RGS7: variants seen among roughly 807,000 people sequenced by gnomAD.
RGS7 encodes the protein regulator of G-protein signaling 7.
Under a neutral mutation model 81.1 loss-of-function variants are expected in RGS7, and 27 were observed. That is an observed-to-expected ratio of 0.33 (90% confidence interval 0.25 to 0.46). RGS7 has a LOEUF of 0.46. Among genes scored for constraint, RGS7 ranks in the 20% least tolerant of loss-of-function variants. RGS7 has a pLI of 1.00. For missense variants in RGS7, 396 were observed against 607.4 expected (o/e 0.65, Z 3.66); for synonymous variants, 208 against 207.7 (o/e 1.00, Z -0.01).
At chr1:240,914,958 C>A (rs376036694) in intron 6 of RGS7, among the ~76,000 whole-genome samples, 2 of 152,258 alleles carry the variant, frequency 1.3e-5, no homozygotes, top group African/African-American at 4.8e-5. Flanking sequence ...TTGTTCGAGG[C>A]TCAATGTGGA....
chr1:240,781,674 T>C (rs1684120927), intron 18 of RGS7, among the ~76,000 whole-genome samples: 1 of 152,194 alleles, frequency 6.6e-6, no homozygotes, highest in South Asian at 2.1e-4. Context: ...GATATTTGTT[T>C]TGTATATTGA....
rs548416224 is a variant in RGS7 at position 240,790,067 on chromosome 1, T to C, written c.*6+10574A>G. On this transcript the variant is annotated intron_variant, in intron 18 of 18. Coordinates refer to ENST00000440928, the MANE Select transcript of RGS7 (RefSeq NM_001364886.1). Reference sequence around the variant, plus strand: ...CTTAGGGAAAATAGAAAAGAACCTATGTGAAATATCGGGGGTGAATTTCGC... The same window carrying C: ...CTTAGGGAAAATAGAAAAGAACCTACGTGAAATATCGGGGGTGAATTTCGC... Among the ~76,000 whole-genome samples the C allele has an allele frequency of 3.0e-3, 460 of 152,228 alleles. 2 individuals are homozygous for C. The highest frequency in any genetic ancestry group is 0.011 in the African/African-American group (442 of 41,554).
At chr1:241,256,926 TACACACACACACAC>T (rs10552436) in intron 2 of RGS7, among the ~76,000 whole-genome samples, 30 of 146,254 alleles carry the variant, frequency 2.1e-4, no homozygotes, top group East Asian at 1.0e-3. Context: ...CCACTAGAAA[TACACACACACACAC>T]ACACACACAC....
At chr1:241,025,468 G>C (rs1038993841) in intron 3 of RGS7, among the ~76,000 whole-genome samples, 3 of 152,178 alleles carry the variant, frequency 2.0e-5, no homozygotes, top group Non-Finnish European at 2.9e-5. Flanking sequence ...CAAGGTCACA[G>C]AGCTGAGAAG....
intron 15 of RGS7, among the ~76,000 whole-genome samples, chr1:240,803,465 T>C (rs1171081197): frequency 1.3e-5 from 2 of 152,126 alleles, no homozygotes; most frequent in Non-Finnish European, 2.9e-5. Flanking sequence ...TGGTACAAAT[T>C]GCATGGAAAA....
At chr1:241,269,252 G>C (rs2077747823) in intron 2 of RGS7, among the ~76,000 whole-genome samples, 1 of 152,246 alleles carries the variant, frequency 6.6e-6, no homozygotes, top group Non-Finnish European at 1.5e-5. Flanking sequence ...CACGATAGGA[G>C]GGCTGTGGAG....
chr1:240,936,196 A>G (rs1676605669), intron 5 of RGS7, among the ~76,000 whole-genome samples: 1 of 152,210 alleles, frequency 6.6e-6, no homozygotes, highest in African/African-American at 2.4e-5. Context: ...CTGAGAGTTT[A>G]TTAATTAGCT....
intron 6 of RGS7, among the ~76,000 whole-genome samples, chr1:240,887,392 C>A (rs1019777043): frequency 1.3e-4 from 20 of 152,038 alleles, no homozygotes; most frequent in Non-Finnish European, 2.4e-4. Flanking sequence ...CCACGCCCGG[C>A]TCATTTTTTG....
chr1:241,018,935 G>A (rs1230809151), intron 3 of RGS7, among the ~76,000 whole-genome samples: 2 of 152,142 alleles, frequency 1.3e-5, no homozygotes, highest in Non-Finnish European at 2.9e-5. Context: ...TTGCCCTCAG[G>A]AAAATTTATT....
At chr1:241,071,787 T>A (rs1314428324) in intron 3 of RGS7, among the ~76,000 whole-genome samples, 1 of 140,802 alleles carries the variant, frequency 7.1e-6, no homozygotes, top group East Asian at 2.2e-4. Flanking sequence ...GATGGGAGGA[T>A]CCCTTGGGCC....
intron 2 of RGS7, among the ~76,000 whole-genome samples, chr1:241,334,144 A>T (rs2082116523): frequency 6.6e-6 from 1 of 151,946 alleles, no homozygotes; most frequent in Non-Finnish European, 1.5e-5. Flanking sequence ...AGATATTAAA[A>T]CTCTACCTAG....
chr1:240,897,786 G>A (rs945360975), intron 6 of RGS7, among the ~76,000 whole-genome samples: 12 of 152,110 alleles, frequency 7.9e-5, no homozygotes, highest in East Asian at 1.9e-4. Context: ...TCAGGATGAC[G>A]CTGGCCTCAT....
intron 3 of RGS7, among the ~76,000 whole-genome samples, chr1:241,052,526 C>G (rs1015258290): frequency 2.0e-5 from 3 of 152,114 alleles, no homozygotes; most frequent in African/African-American, 7.2e-5. Flanking sequence ...TGCCATAATA[C>G]ACTCTGGAAT....
intron 4 of RGS7, among the ~76,000 whole-genome samples, chr1:240,947,717 T>C (rs1461541375): frequency 6.6e-6 from 1 of 152,200 alleles, no homozygotes; most frequent in Non-Finnish European, 1.5e-5. Flanking sequence ...TTTGCTATGA[T>C]GATTATCTTA....
intron 9 of RGS7, among the ~76,000 whole-genome samples, chr1:240,864,136 G>A (rs1049186792): frequency 1.3e-5 from 2 of 152,152 alleles, no homozygotes; most frequent in Non-Finnish European, 2.9e-5. Flanking sequence ...CATAAAATGC[G>A]ACACTGGACT....
intron 6 of RGS7, among the ~76,000 whole-genome samples, chr1:240,873,081 A>C (rs1276376709): frequency 6.6e-6 from 1 of 152,018 alleles, no homozygotes; most frequent in Non-Finnish European, 1.5e-5. Flanking sequence ...TCCGTCTAAA[A>C]AAAAACAAAA....
intron 6 of RGS7, among the ~76,000 whole-genome samples, chr1:240,907,110 T>A (rs1410416454): frequency 6.6e-6 from 1 of 152,112 alleles, no homozygotes; most frequent in Admixed American, 6.6e-5. Flanking sequence ...AACTGTTGAA[T>A]GGGATGCTAG....
chr1:240,976,669 T>C (rs1318026588), intron 4 of RGS7, among the ~76,000 whole-genome samples: 1 of 152,166 alleles, frequency 6.6e-6, no homozygotes, highest in Non-Finnish European at 1.5e-5. Context: ...GCTGTCCTGC[T>C]CTATGAATTT....
At chr1:240,972,145 A>C (rs4660016) in intron 4 of RGS7, among the ~76,000 whole-genome samples, 7 of 152,108 alleles carry the variant, frequency 4.6e-5, no homozygotes, top group African/African-American at 1.7e-4. Flanking sequence ...TATGTAATGT[A>C]CCTTTGGGTC....
Sources: gnomAD v4.1 joint callset for allele counts (sites outside exome capture counted in the v4.1 genomes callset) on GRCh38, gnomAD v4.1.1 for gene constraint, MANE v1.5 for transcripts, NCBI Gene and HGNC (gene_info 2026-07-23, HGNC 2026-07-21) for gene names.